Variants in CLIC5 observed in about 807,000 individuals in gnomAD.
CLIC5 encodes chloride intracellular channel protein 5.
CLIC5 carries 20 observed loss-of-function variants against 24.7 expected under a neutral mutation model. That is an observed-to-expected ratio of 0.81 (90% CI 0.57 to 1.18). The LOEUF is 1.18. Ranked by LOEUF, CLIC5 falls within the 50% of genes most tolerant of loss-of-function variation. The pLI is 0.00. For synonymous variants in CLIC5, 159 were observed against 135.6 expected, an observed-to-expected ratio of 1.17 and a Z score of -1.20; for missense variants, 341 against 326.1, an observed-to-expected ratio of 1.05 and a Z score of -0.35.
chr6:45,947,419 C>G (rs1764324574), intron 3 of CLIC5, among the ~76,000 whole-genome samples: 1 of 151,448 alleles, frequency 6.6e-6, no homozygotes, highest in Admixed American at 6.6e-5. Flanking sequence ...GGTGAAGGGA[C>G]TGGCTCAAGA....
chr6:46,112,504 T>C, the CLIC5 span, among the ~76,000 whole-genome samples: 1 of 152,200 alleles, frequency 6.6e-6, no homozygotes, highest in Admixed American at 6.5e-5. Context: ...CTGAATGCCT[T>C]TGGGGGGGTA....
At chr6:46,020,415 G>A (rs926291785), upstream of CLIC5, among the ~76,000 whole-genome samples, 3 of 152,040 alleles carry the variant, frequency 2.0e-5, no homozygotes, top group African/African-American at 7.2e-5. Context: ...TTTGTGAGAT[G>A]CAGCTAAAGC....
the CLIC5 span, among the ~76,000 whole-genome samples, chr6:46,107,971 T>C: frequency 2.2e-5 from 3 of 137,326 alleles, no homozygotes; most frequent in African/African-American, 8.1e-5. Flanking sequence ...GAGGCTGGGG[T>C]TGCAGTGAAC....
chr6:45,943,475 A>C (rs1478473793), intron 3 of CLIC5, among the ~76,000 whole-genome samples: 1 of 152,248 alleles, frequency 6.6e-6, no homozygotes, highest in Non-Finnish European at 1.5e-5. Flanking sequence ...CTACCAAGAC[A>C]CAGGAATTCA....
chr6:46,095,356 G>A, the CLIC5 span, among the ~76,000 whole-genome samples: 1 of 152,068 alleles, frequency 6.6e-6, no homozygotes, highest in Non-Finnish European at 1.5e-5. Context: ...TATATAGCTA[G>A]GCTATAAATT....
chr6:45,888,151 G>A (rs769423706), intron 6 of CLIC5, among the ~76,000 whole-genome samples: 3 of 152,196 alleles, frequency 2.0e-5, no homozygotes, highest in Non-Finnish European at 4.4e-5. Context: ...CTTCCCTGGG[G>A]TGGGGGGGAT....
intron 4 of CLIC5, among the ~76,000 whole-genome samples, chr6:45,925,167 C>A (rs998496094): frequency 1.3e-5 from 2 of 152,172 alleles, no homozygotes; most frequent in African/African-American, 4.8e-5. Context: ...TAGAACAGGG[C>A]ATGGTTCATA....
intron 1 of CLIC5, among the ~76,000 whole-genome samples, chr6:45,971,269 T>C (rs1765191570): frequency 6.6e-6 from 1 of 152,224 alleles, no homozygotes; most frequent in Non-Finnish European, 1.5e-5. Flanking sequence ...GTTCCATCCA[T>C]AGGTCTAGAG....
At chr6:46,021,149 T>A (rs1423891954) in intron 1 of CLIC5, among the ~76,000 whole-genome samples, 1 of 149,562 alleles carries the variant, frequency 6.7e-6, no homozygotes. Flanking sequence ...AGCAGACACT[T>A]TAACCTAGAA....
chr6:45,907,723 G>A (rs1434761613), intron 5 of CLIC5, among the ~76,000 whole-genome samples: 1 of 151,788 alleles, frequency 6.6e-6, no homozygotes, highest in African/African-American at 2.4e-5. Flanking sequence ...GTATGTTCAG[G>A]GTTTCAATTT....
intron 1 of CLIC5, among the ~76,000 whole-genome samples, chr6:46,046,665 G>A (rs948744507): frequency 6.6e-6 from 1 of 152,162 alleles, no homozygotes; most frequent in African/African-American, 2.4e-5. Flanking sequence ...TTTCTGTTTA[G>A]AGTAGTTTTA....
rs78203735 is a variant in CLIC5 at position 46,075,041 on chromosome 6, T to C, written c.540+4662A>G. Among the ~76,000 whole-genome samples, 943 of 152,352 alleles carry C rather than the reference T, an allele frequency of 6.2e-3. 15 individuals carry two copies. Among genetic ancestry groups the C allele is most frequent in the African/African-American group, 0.022 (899 of 41,572 alleles). On this transcript the variant is annotated intron_variant, in intron 1 of 5. Coordinates refer to the CLIC5 transcript ENST00000185206. The stretch of plus-strand genomic sequence containing the variant: ...ACGTCATTTCCTGAATGGTTCCAAT[T>C]TATCACAATAAGTAATAATTTAGGC...
At position 46,048,064 on chromosome 6, in the gene CLIC5, G is replaced by A. The variant is rs975854271; in HGVS notation, c.540+31639C>T. Among the ~76,000 whole-genome samples the A allele has an allele frequency of 7.4e-5, 11 of 148,594 alleles. 1 individual carries two copies. Among genetic ancestry groups the A allele is most frequent in the East Asian group, 4.0e-4 (2 of 5,050 alleles). On this transcript the variant is annotated intron_variant, in intron 1 of 5. Coordinates refer to the CLIC5 transcript ENST00000185206. Reference sequence around the variant, plus strand: ...GTCCCCTAGGCTGGAGTGCAGTGGCGCAATTTTGGCTCACTGCAACCTCTA... The same window carrying A: ...GTCCCCTAGGCTGGAGTGCAGTGGCACAATTTTGGCTCACTGCAACCTCTA...
intron 1 of CLIC5, among the ~76,000 whole-genome samples, chr6:46,078,292 G>A (rs1762825168): frequency 6.6e-6 from 1 of 152,054 alleles, no homozygotes; most frequent in Non-Finnish European, 1.5e-5. Context: ...TCTGGGAGGT[G>A]AAAGTTGCAG....
intron 6 of CLIC5, among the ~76,000 whole-genome samples, chr6:45,891,847 G>T (rs887940027): frequency 5.3e-5 from 8 of 151,846 alleles, no homozygotes; most frequent in Non-Finnish European, 8.8e-5. Context: ...TTTCCTTTTT[G>T]AATTAAAAAA....
intron 1 of CLIC5, among the ~76,000 whole-genome samples, chr6:45,996,120 TA>T (rs59715080): frequency 0.037 from 4,747 of 128,174 alleles, 74 homozygotes; most frequent in Admixed American, 0.049. Context: ...ACCTCAGAAC[TA>T]AAAAAAAAAA....
At chr6:45,978,116 T>C (rs779565628) in intron 1 of CLIC5, among the ~76,000 whole-genome samples, 40 of 152,216 alleles carry the variant, frequency 2.6e-4, no homozygotes, top group Non-Finnish European at 4.7e-4. Context: ...AGAAATATGG[T>C]GTGGTACTTA....
chr6:46,126,257 C>T, the CLIC5 span, among the ~76,000 whole-genome samples: 1 of 152,100 alleles, frequency 6.6e-6, no homozygotes, highest in Non-Finnish European at 1.5e-5. Flanking sequence ...GCTGGGCAGG[C>T]AAAAGCAAGA....
chr6:45,997,740 G>T (rs962002855), intron 1 of CLIC5, among the ~76,000 whole-genome samples: 2 of 152,220 alleles, frequency 1.3e-5, no homozygotes, highest in Non-Finnish European at 2.9e-5. Flanking sequence ...TTTCCTGCCA[G>T]ATCATGGCAT....
Sources: allele counts gnomAD v4.1 joint callset (sites outside exome capture counted in the v4.1 genomes callset), GRCh38; gene constraint gnomAD v4.1.1; transcripts MANE v1.5; gene names NCBI Gene and HGNC (gene_info 2026-07-23, HGNC 2026-07-21).